The following CARMIL3 variants were observed in gnomAD, a reference collection of about 807,000 sequenced individuals.
CARMIL3 encodes the protein capping protein regulator and myosin 1 linker 3.
A neutral mutation model predicts 180.8 loss-of-function variants in CARMIL3; 88 were observed. That is an observed-to-expected ratio of 0.49 (90% CI 0.41 to 0.58). The LOEUF (loss-of-function observed/expected upper bound fraction) is 0.58, where lower values mean the gene tolerates loss of function less well. Ranked by LOEUF, CARMIL3 falls within the 20% of genes least tolerant of loss-of-function variation. CARMIL3 has a pLI of 0.00. For missense variants in CARMIL3, 1,548 were observed against 1,787.0 expected (o/e 0.87, Z 2.41); for synonymous variants, 696 against 714.5 (o/e 0.97, Z 0.41).
chr14:24,069,669 C>G lies in CARMIL3; in HGVS notation c.*265C>G. On this transcript the variant is annotated 3_prime_UTR_variant, in exon 40 of 40. Transcript: ENST00000342740. Reference sequence around the variant, plus strand: ...TCTCCTCCCCCAGGAGGGTGGATCTCTGTCCCTCTATCCCCAGGGACTCTC... The same window carrying G: ...TCTCCTCCCCCAGGAGGGTGGATCTGTGTCCCTCTATCCCCAGGGACTCTC... The G allele has an allele frequency of 1.8e-6, 1 of 559,514 alleles. No homozygotes were observed. Among genetic ancestry groups the G allele is most frequent in the South Asian group, 2.3e-5 (1 of 43,922 alleles). The allele number at this position is 559,514 out of a possible 1,614,324, so 34.7% of individuals were successfully genotyped here.
At position 24,061,063 on chromosome 14, in the gene CARMIL3, A is replaced by G. The variant is rs1367995061; in HGVS notation, c.2304+23A>G. 3.2e-6 allele frequency: 5 copies of G among 1,544,294 alleles called. No homozygotes were observed. The Admixed American group carries it at 9.8e-5, about 30-fold the overall frequency. On this transcript the variant is annotated intron_variant, in intron 26 of 39. Transcript: ENST00000342740. The surrounding 1 kb of genome is among the most constrained non-coding windows in gnomAD (Gnocchi z 4.1). ...CAGGCAAGTCCTGGAGGAGGGAGGA[A>G]TCCATGGTGGGAACCTAGTGTTGAC...
Position 24,054,448 on chromosome 14 carries a change from A to G in CARMIL3, c.299A>G (p.Glu100Gly), listed in dbSNP as rs1224486736. ...GMVSMRLPSA[E>G]SVDQVTRHVS... is the part of the protein sequence containing the mutation. The stretch of plus-strand genomic sequence containing the variant: ...GTGAGCATGCGACTGCCATCAGCTG[A>G]AAGTGTGGACCAGGTGACACGACAT... The change falls in exon 5 of 40, where the codon GAA becomes GGA. Residue 100 changes from glutamate (E) to glycine (G), a missense_variant. Glu to Gly is a moderately conservative substitution (Grantham distance 98). This residue lies in a region of CARMIL3 where 578 missense variants were observed against 666.5 expected (regional missense o/e 0.87). Coordinates refer to ENST00000342740, the MANE Select transcript of CARMIL3 (RefSeq NM_138360.4). This position sits in a 1 kb window ranked among gnomAD's most constrained non-coding sequence, Gnocchi z 5.1. 2 of 1,613,942 alleles carry G rather than the reference A, an allele frequency of 1.2e-6. No individual in the cohort carries two copies. Among genetic ancestry groups the G allele is most frequent in the East Asian group, 2.2e-5 (1 of 44,878 alleles).
At chr14:24,062,429 T>C (rs1295085111) in intron 27 of CARMIL3, 51 bp from the exon 28 acceptor site, 2 of 1,508,502 alleles carry the variant, frequency 1.3e-6, no homozygotes, top group South Asian at 1.1e-5. Flanking sequence ...TCAGGGGCCA[T>C]GCGGGGGACT....
chr14:24,062,255 C>T (rs1339451251), intron 27 of CARMIL3: 7 of 591,560 alleles, frequency 1.2e-5, no homozygotes, highest in Non-Finnish European at 1.8e-5. Flanking sequence ...TCCTCTTTCC[C>T]CACACATAGT....
intron 31 of CARMIL3, 96 bp downstream of exon 31, chr14:24,063,629 CTTGAGGGA>C: frequency 7.9e-7 from 1 of 1,262,642 alleles, no homozygotes; most frequent in Non-Finnish European, 1.1e-6. Context: ...AGACAGTAGC[CTTGAGGGA>C]TTGGGCAGGA....
At position 24,054,825 on chromosome 14, in the gene CARMIL3, G is replaced by A; in HGVS notation, c.460+17G>A. On this transcript the variant is annotated intron_variant, in intron 6 of 39. Coordinates refer to ENST00000342740, the MANE Select transcript of CARMIL3 (RefSeq NM_138360.4). This position sits in a 1 kb window ranked among gnomAD's most constrained non-coding sequence, Gnocchi z 5.1. ...GTGTCTGCGGTGAGCAGGGGCAGAT[G>A]TGAGGAAAGTAGGCGCTCCACCATC... 1 of 1,607,314 alleles carries A rather than the reference G, an allele frequency of 6.2e-7. No homozygotes were observed. Among genetic ancestry groups the A allele is most frequent in the Non-Finnish European group, 8.5e-7 (1 of 1,174,562 alleles).
Position 24,059,779 on chromosome 14 carries a change from G to T in CARMIL3, c.1868+47G>T, listed in dbSNP as rs370443567. ...CCTGATCCAAGTCCCCAGCCTCCCT[G>T]TGCCTGGATCAGGCCTGAACTACTC... On this transcript the variant is annotated intron_variant, in intron 22 of 39. Coordinates refer to ENST00000342740, the MANE Select transcript of CARMIL3 (RefSeq NM_138360.4). This position sits in a 1 kb window ranked among gnomAD's most constrained non-coding sequence, Gnocchi z 6.3. 14 of 1,603,568 alleles carry T rather than the reference G, an allele frequency of 8.7e-6. No individual in the cohort carries two copies. The highest frequency in any genetic ancestry group is 1.2e-5 in the Non-Finnish European group (14 of 1,171,352).
In CARMIL3 at chr14:24,059,661, C is replaced by G. The variant is rs60008334; in HGVS notation, c.1800-3C>G. ...GCCAAACTGGTGCTTACCCTCCCCC[C>G]AGAACTATCCTATGGGATCGGAACA... On this transcript the variant is annotated splice_region_variant and splice_polypyrimidine_tract_variant and intron_variant, in intron 21 of 39. Transcript: ENST00000342740. The surrounding 1 kb of genome is among the most constrained non-coding windows in gnomAD (Gnocchi z 6.3). 13 of 1,613,906 alleles carry G rather than the reference C, an allele frequency of 8.1e-6. No individual in the cohort carries two copies. Among genetic ancestry groups the G allele is most frequent in the African/African-American group, 1.3e-5 (1 of 74,910 alleles).
In CARMIL3 at chr14:24,062,797, G is replaced by A. The variant is rs763222738; in HGVS notation, c.2657G>A (p.Arg886Gln). The A allele has an allele frequency of 1.1e-4, 183 of 1,613,770 alleles. No individual in the cohort carries two copies. The highest frequency in any genetic ancestry group is 4.2e-4 in the East Asian group (19 of 44,880). ...GATCTGTCCTCCCGGGGCCGAGGCC[G>A]GAACCATGACCATGAGGAGACCACA... ...GQDLSSRGRG[R>Q]NHDHEETTDD... The change falls in exon 29 of 40, where the codon CGG (arginine) becomes CAG (glutamine). Residue 886 changes from arginine (R) to glutamine (Q), a missense_variant. Arg to Gln is a conservative substitution (Grantham distance 43). Transcript: ENST00000342740.
In CARMIL3 at chr14:24,054,977, C is replaced by T; in HGVS notation, c.461-89C>T. The T allele has an allele frequency of 6.8e-7, 1 of 1,468,802 alleles. No homozygotes were observed. The highest frequency in any genetic ancestry group is 9.5e-7 in the Non-Finnish European group (1 of 1,056,114). The allele number at this position is 1,468,802 out of a possible 1,614,324, so 91.0% of individuals were successfully genotyped here. On this transcript the variant is annotated intron_variant, in intron 6 of 39. Coordinates refer to ENST00000342740, the MANE Select transcript of CARMIL3 (RefSeq NM_138360.4). The surrounding 1 kb of genome is among the most constrained non-coding windows in gnomAD (Gnocchi z 5.1). ...GCATAGCAAGAACCAAGAGCACTGG[C>T]ACATAAAGTGACCTTGACTGTTCTT...
Position 24,052,049 on chromosome 14 carries a change from C to CA in CARMIL3, c.-104dup. 1 of 1,197,402 alleles carries CA rather than the reference C, an allele frequency of 8.4e-7. No individual in the cohort carries two copies. The highest frequency in any genetic ancestry group is 1.1e-6 in the Non-Finnish European group (1 of 905,678). The allele number at this position is 1,197,402 out of a possible 1,614,324, so 74.2% of individuals were successfully genotyped here. ...ACCGGAGCGGGCTCGGCCGCTGCTG[C>CA]AGCGCTCAGCGCCCGGGCCCTGCTG... On this transcript the variant is annotated 5_prime_UTR_variant, in exon 1 of 40. Coordinates refer to ENST00000342740, the MANE Select transcript of CARMIL3 (RefSeq NM_138360.4).
rs1594550540 is a variant in CARMIL3 at position 24,059,908 on chromosome 14, G to C, written c.1869-62G>C. 1 of 1,571,310 alleles carries C rather than the reference G, an allele frequency of 6.4e-7. No individual in the cohort carries two copies. The highest frequency in any genetic ancestry group is 2.2e-5 in the East Asian group (1 of 44,540). Reference sequence around the variant, plus strand: ...GGGGCTGGAGGGCTGCTCACCAACAGAGGAGGCAGGGGCCTCCCATCCTCA... The same window carrying C: ...GGGGCTGGAGGGCTGCTCACCAACACAGGAGGCAGGGGCCTCCCATCCTCA... On this transcript the variant is annotated intron_variant, in intron 22 of 39. Transcript: ENST00000342740. The surrounding 1 kb of genome is among the most constrained non-coding windows in gnomAD (Gnocchi z 6.3).
chr14:24,059,801 A>C lies in CARMIL3; in HGVS notation c.1868+69A>C. 6.4e-7 allele frequency: 1 copy of C among 1,567,756 alleles called. No homozygotes were observed. The highest frequency in any genetic ancestry group is 8.8e-7 in the Non-Finnish European group (1 of 1,139,842). ...CCTGTGCCTGGATCAGGCCTGAACT[A>C]CTCTTGCCCCACCCTAGCCCCTTTG... On this transcript the variant is annotated intron_variant, in intron 22 of 39. Transcript: ENST00000342740. The surrounding 1 kb of genome is among the most constrained non-coding windows in gnomAD (Gnocchi z 6.3).
rs2035749864 is a variant in CARMIL3 at position 24,063,179 on chromosome 14, C to T, written c.2766C>T (p.Phe922=). The stretch of plus-strand genomic sequence containing the variant: ...GCAAGATTCGGCCGGTGTCTGCCTT[C>T]ATCAGTGAGTCTCCCAGCCTCCGTT... The part of the protein sequence containing the change: ...RCRKIRPVSA[F]ISGSPQDMES... The change falls in exon 30 of 40, where the codon TTC becomes TTT. Residue 922 remains phenylalanine (F), a synonymous_variant. Transcript: ENST00000342740. 1 of 1,612,678 alleles carries T rather than the reference C, an allele frequency of 6.2e-7. No homozygotes were observed. The highest frequency in any genetic ancestry group is 1.3e-5 in the African/African-American group (1 of 74,942).
intron 1 of CARMIL3, 136 bp downstream of exon 1, chr14:24,052,329 C>A: frequency 1.2e-6 from 1 of 839,956 alleles, no homozygotes; most frequent in South Asian, 2.0e-5. Context: ...GCAGCCCCTG[C>A]ATTCCAGTCC....
In CARMIL3 at chr14:24,055,312, T is replaced by C. The variant is rs761909862; in HGVS notation, c.605+2T>C. The stretch of plus-strand genomic sequence containing the variant: ...GGATTTCAGCCACTTGGAGAGCCGG[T>C]AAGCAGATGGGGCAGAGACTCCACC... On this transcript the variant is annotated splice_donor_variant, in intron 8 of 39. Coordinates refer to ENST00000342740, the MANE Select transcript of CARMIL3 (RefSeq NM_138360.4). LOFTEE classifies it high-confidence loss of function. 3.7e-6 allele frequency: 6 copies of C among 1,613,932 alleles called. No homozygotes were observed. The highest frequency in any genetic ancestry group is 1.7e-6 in the Non-Finnish European group (2 of 1,179,984).
Position 24,055,767 on chromosome 14 carries a change from C to G in CARMIL3, c.748C>G (p.Leu250Val). 1.2e-6 allele frequency: 2 copies of G among 1,614,106 alleles called. No homozygotes were observed. Among genetic ancestry groups the G allele is most frequent in the South Asian group, 1.1e-5 (1 of 91,078 alleles). The stretch of plus-strand genomic sequence containing the variant: ...GTCGGGGAGCCTCGAAGAGCTGGTG[C>G]TGGACAACGCCGGGCTTAAGACGTG... ...SKSGSLEELV[L>V]DNAGLKTDFV... Residue 250 changes from leucine (L) to valine (V), a missense_variant, in exon 10 of 40, where the codon CTG becomes GTG. This residue lies in a region of CARMIL3 where 578 missense variants were observed against 666.5 expected (regional missense o/e 0.87). Coordinates refer to ENST00000342740, the MANE Select transcript of CARMIL3 (RefSeq NM_138360.4).
intron 10 of CARMIL3, 40 bp from the exon 11 acceptor site, chr14:24,056,259 G>T: frequency 6.4e-7 from 1 of 1,551,388 alleles, no homozygotes; most frequent in South Asian, 1.1e-5. Context: ...TGGGACCTGG[G>T]GCTCAGCTCA....
In CARMIL3 at chr14:24,059,671, C is replaced by G; in HGVS notation, c.1807C>G (p.Leu603Val). The G allele has an allele frequency of 1.2e-6, 2 of 1,614,054 alleles. No individual in the cohort carries two copies. Among genetic ancestry groups the G allele is most frequent in the Non-Finnish European group, 1.7e-6 (2 of 1,180,006 alleles). ...LQINSSLRTILWDRNNTSALG... is the reference protein window; with the variant it reads ...LQINSSLRTIVWDRNNTSALG... ...TGCTTACCCTCCCCCCAGAACTATC[C>G]TATGGGATCGGAACAATACATCTGC... Residue 603 changes from leucine to valine, a missense_variant, in exon 22 of 40, where the codon CTA (leucine) becomes GTA (valine). By Grantham distance (32) the Leu-to-Val change is conservative. Around this residue, in one of 4 missense-constraint regions of CARMIL3, gnomAD observed 297 missense variants for 415.9 expected, o/e 0.71. Transcript: ENST00000342740. This position sits in a 1 kb window ranked among gnomAD's most constrained non-coding sequence, Gnocchi z 6.3.
Sources: allele counts gnomAD v4.1 joint callset, GRCh38; gene constraint gnomAD v4.1.1; regional missense constraint gnomAD v4.1.1; non-coding constraint Gnocchi (gnomAD v3.1); transcripts MANE v1.5; gene names NCBI Gene and HGNC (gene_info 2026-07-23, HGNC 2026-07-21).